Variants in PARP10 observed in about 807,000 individuals in gnomAD.
The protein encoded by PARP10 is poly(ADP-ribose) polymerase family member 10.
Under a neutral mutation model 82.4 loss-of-function variants are expected in PARP10, and 56 were observed. That is an observed-to-expected ratio of 0.68 (90% CI 0.55 to 0.85). PARP10 has a LOEUF of 0.85. PARP10 is among the 40% of genes least tolerant of loss of function. PARP10 has a pLI of 0.00. For missense variants in PARP10, 1,227 were observed against 1,379.4 expected, an observed-to-expected ratio of 0.89 and a Z score of 1.75; for synonymous variants, 576 against 601.1, an observed-to-expected ratio of 0.96 and a Z score of 0.61.
chr8:143,983,632 C>T lies in PARP10; in HGVS notation c.1957G>A (p.Glu653Lys). Reference protein sequence around the residue: ...STVAPRWLEEEAALQLALHRS... With the variant: ...STVAPRWLEEKAALQLALHRS... ...TGGAGGGCCAGCTGCAGAGCGGCCT[C>T]CTCCTCCAGCCACCTGGGTGCCACA... The change falls in exon 8 of 11, where the codon GAG (glutamate) becomes AAG (lysine). Residue 653 changes from glutamate to lysine, a missense_variant. Coordinates refer to ENST00000313028, the MANE Select transcript of PARP10 (RefSeq NM_032789.5). 1 of 1,605,588 alleles carries T rather than the reference C, an allele frequency of 6.2e-7. No homozygotes were observed. The highest frequency in any genetic ancestry group is 1.1e-5 in the South Asian group (1 of 89,604).
upstream of PARP10, chr8:143,991,528 G>T (rs551985586): frequency 4.0e-5 from 62 of 1,550,024 alleles, no homozygotes; most frequent in Non-Finnish European, 2.6e-6. Context: ...TACCCCCAGG[G>T]GCCATATCCC....
At chr8:144,004,322 T>TGGG (rs1467021395) in intron 1 of PARP10, among the ~76,000 whole-genome samples, 1 of 151,990 alleles carries the variant, frequency 6.6e-6, no homozygotes, top group Admixed American at 6.6e-5. Context: ...AGTAGAATGG[T>TGGG]GGGGGCCAGG....
At chr8:143,982,286 G>A (rs552142887) in intron 9 of PARP10, among the ~76,000 whole-genome samples, 3 of 152,258 alleles carry the variant, frequency 2.0e-5, no homozygotes, top group Admixed American at 6.5e-5. Context: ...TGGCTAACAT[G>A]GTGAAACCCC....
rs1587453400 is a variant in PARP10 at position 143,982,329 on chromosome 8, C to T, written c.2556+603G>A. On this transcript the variant is annotated intron_variant, in intron 9 of 10. Coordinates refer to ENST00000313028, the MANE Select transcript of PARP10 (RefSeq NM_032789.5). ...CTAAAAATATTTTTTAAAAAATTAG[C>T]CGGGCGTGGTGGCAGGCGCCTGTAG... Among the ~76,000 whole-genome samples the T allele has an allele frequency of 2.6e-5, 4 of 151,924 alleles. No homozygotes were observed. The East Asian group carries it at 7.7e-4, about 29-fold the overall frequency.
rs782507944 is a variant in PARP10, at chr8:143,983,441, C to T, written c.2148G>A (p.Glu716=). ...CCCGGTCCAGCTCCTCCACATCCTG[C>T]TCAAAGGCCGAGTGCACCACCAGCT... is the stretch of plus-strand genomic sequence containing the variant. The part of the protein sequence containing the change: ...KAQLVVHSAF[E]QDVEELDRAL... The change falls in exon 8 of 11, where the codon GAG becomes GAA. Residue 716 remains glutamate (E), a synonymous_variant. Coordinates refer to ENST00000313028, the MANE Select transcript of PARP10 (RefSeq NM_032789.5). The T allele has an allele frequency of 6.2e-7, 1 of 1,605,734 alleles. No homozygotes were observed. The highest frequency in any genetic ancestry group is 8.5e-7 in the Non-Finnish European group (1 of 1,179,346).
Position 143,983,462 on chromosome 8 carries a change from C to T in PARP10, c.2127G>A (p.Leu709=), listed in dbSNP as rs782340076. The stretch of plus-strand genomic sequence containing the variant: ...CCTGCTCAAAGGCCGAGTGCACCAC[C>T]AGCTGGGCCTTGCCATCAGTCCCCC... The part of the protein sequence containing the change: ...PDGGTDGKAQ[L]VVHSAFEQDV... The change falls in exon 8 of 11, where the codon CTG becomes CTA. Residue 709 remains leucine, a synonymous_variant. Transcript: ENST00000313028. 7.5e-6 allele frequency: 12 copies of T among 1,606,856 alleles called. No homozygotes were observed. The highest frequency in any genetic ancestry group is 1.0e-5 in the Non-Finnish European group (12 of 1,178,966).
intron 9 of PARP10, 149 bp from the exon 10 acceptor site, chr8:143,978,230 G>A: frequency 1.1e-6 from 1 of 913,412 alleles, no homozygotes; most frequent in Non-Finnish European, 1.6e-6. Context: ...GCTCTGTCCA[G>A]CAGCAGACAG....
chr8:143,992,970 T>G (rs2133067333), upstream of PARP10: 9 of 735,852 alleles, frequency 1.2e-5, no homozygotes, highest in South Asian at 1.6e-4. Flanking sequence ...AGGATGCCTC[T>G]CTCCAACCCT....
At chr8:143,983,916 G>A (rs1005474245) in intron 7 of PARP10, 92 bp downstream of exon 7, 4 of 1,483,214 alleles carry the variant, frequency 2.7e-6, no homozygotes, top group Admixed American at 2.3e-5. Context: ...GGCCTAAGAT[G>A]GGTCAGTAGA....
upstream of PARP10, among the ~76,000 whole-genome samples, chr8:143,995,406 C>G (rs1398127060): frequency 1.3e-5 from 2 of 152,204 alleles, no homozygotes; most frequent in Admixed American, 1.3e-4. Context: ...CAGCCGAAGG[C>G]CAGTGGGATG....
In PARP10 at chr8:144,008,113, C is replaced by A. The variant is rs1417032765; in HGVS notation, c.-80+4417G>T. On this transcript the variant is annotated intron_variant, in intron 1 of 3. Coordinates refer to the PARP10 transcript ENST00000530478. This position sits in a 1 kb window ranked among gnomAD's most constrained non-coding sequence, Gnocchi z 4.0. ...GCTCCTCGTCAGCAACAGGCAGACC[C>A]GGAGGTTCAACATGGCCACGGCAGG... Among the ~76,000 whole-genome samples, 1 of 152,122 alleles carries A rather than the reference C, an allele frequency of 6.6e-6. No individual in the cohort carries two copies. The highest frequency in any genetic ancestry group is 6.5e-5 in the Admixed American group (1 of 15,280).
At chr8:144,003,816 AG>A (rs1554751872) in intron 1 of PARP10, among the ~76,000 whole-genome samples, 3 of 152,172 alleles carry the variant, frequency 2.0e-5, no homozygotes, top group African/African-American at 7.2e-5. Flanking sequence ...GCTTGAGCCC[AG>A]GAGTTCAAGA....
At chr8:143,998,935 G>T (rs1307752504) in intron 1 of PARP10, among the ~76,000 whole-genome samples, 1 of 141,338 alleles carries the variant, frequency 7.1e-6, no homozygotes, top group African/African-American at 2.8e-5. Flanking sequence ...GGGTGACAGA[G>T]TGAGACCCTG....
chr8:143,993,429 C>G (rs1055561027), upstream of PARP10: 3 of 156,428 alleles, frequency 1.9e-5, no homozygotes, highest in Admixed American at 1.2e-4. Context: ...CCCCTGGTCA[C>G]TCTTCTCCCT....
At chr8:143,982,520 C>A (rs1291017598) in intron 9 of PARP10, among the ~76,000 whole-genome samples, 5 of 152,198 alleles carry the variant, frequency 3.3e-5, no homozygotes, top group African/African-American at 4.8e-5. Context: ...GTGACCGCAG[C>A]GAGCCCGGGC....
chr8:143,992,733 G>A (rs1554750802), upstream of PARP10: 1 of 1,614,002 alleles, frequency 6.2e-7, no homozygotes. Context: ...GGAACAAGCA[G>A]CTGTCCCTGA....
upstream of PARP10, among the ~76,000 whole-genome samples, chr8:143,995,614 TG>T (rs550536136): frequency 1.4e-3 from 218 of 152,258 alleles, no homozygotes; most frequent in African/African-American, 4.7e-3. Context: ...CGCTGACATC[TG>T]GGAGCTGATC....
chr8:143,994,105 T>C (rs1554751038), upstream of PARP10, among the ~76,000 whole-genome samples: 2 of 152,216 alleles, frequency 1.3e-5, no homozygotes, highest in Non-Finnish European at 2.9e-5. Context: ...GAGGCAGCTT[T>C]GGACTTGGAT....
chr8:143,991,334 C>T (rs782189706), upstream of PARP10: 11 of 1,379,776 alleles, frequency 8.0e-6, no homozygotes, highest in Admixed American at 2.4e-5. Flanking sequence ...AGCCTCCCTA[C>T]CCTGGGGCCC....
Sources: allele counts gnomAD v4.1 joint callset (sites outside exome capture counted in the v4.1 genomes callset), GRCh38; gene constraint gnomAD v4.1.1; non-coding constraint Gnocchi (gnomAD v3.1); transcripts MANE v1.5; gene names NCBI Gene and HGNC (gene_info 2026-07-23, HGNC 2026-07-21).